The following ZNF382 variants were observed in gnomAD, a reference collection of about 807,000 sequenced individuals.
The protein encoded by ZNF382 is zinc finger protein 382.
Under a neutral mutation model 38.8 loss-of-function variants are expected in ZNF382, and 20 were observed. The observed-to-expected ratio is 0.51, with a 90% CI of 0.36 to 0.75. ZNF382 has a LOEUF of 0.75. Ranked by LOEUF, ZNF382 falls within the 30% of genes least tolerant of loss-of-function variation. The pLI is 0.00. For synonymous variants in ZNF382, 202 were observed against 223.1 expected, an observed-to-expected ratio of 0.91 and a Z score of 0.84; for missense variants, 546 against 654.1, an observed-to-expected ratio of 0.83 and a Z score of 1.80.
At chr19:36,610,911 T>C (rs1363862509) in intron 4 of ZNF382, among the ~76,000 whole-genome samples, 169 bp downstream of exon 4, 1 of 152,258 alleles carries the variant, frequency 6.6e-6, no homozygotes, top group Non-Finnish European at 1.5e-5. Flanking sequence ...ATTCGCACTG[T>C]TGTGCAACCA....
intron 3 of ZNF382, 35 bp from the exon 4 acceptor site, chr19:36,610,615 C>T (rs1555792801): frequency 6.4e-7 from 1 of 1,564,600 alleles, no homozygotes; most frequent in South Asian, 1.2e-5. Flanking sequence ...AAAGTCGAAA[C>T]AGCTTAGACC....
chr19:36,625,574 G>C (rs1296002081), intron 4 of ZNF382, among the ~76,000 whole-genome samples: 1 of 148,724 alleles, frequency 6.7e-6, no homozygotes, highest in Non-Finnish European at 1.5e-5. Flanking sequence ...TGGGTGGGGC[G>C]GGGGGACAGA....
chr19:36,621,768 G>T (rs958391248), intron 4 of ZNF382, among the ~76,000 whole-genome samples: 1 of 152,146 alleles, frequency 6.6e-6, no homozygotes, highest in Non-Finnish European at 1.5e-5. Context: ...TGAGGGACTT[G>T]AGCATCTTTG....
At chr19:36,617,100 A>G (rs759269122) in intron 4 of ZNF382, among the ~76,000 whole-genome samples, 21 of 152,174 alleles carry the variant, frequency 1.4e-4, no homozygotes, top group Non-Finnish European at 2.5e-4. Context: ...TTGGCAGAGC[A>G]TATACCAACA....
At position 36,627,642 on chromosome 19, in the gene ZNF382, A is replaced by T; in HGVS notation, c.*92A>T. 1 of 854,706 alleles carries T rather than the reference A, an allele frequency of 1.2e-6. No homozygotes were observed. Among genetic ancestry groups the T allele is most frequent in the African/African-American group, 1.7e-5 (1 of 58,746 alleles). 52.9% of individuals were successfully genotyped at this position (854,706 alleles called of 1,614,324 possible). ...AGCGTAATATCCAACAGTTTAAGGT[A>T]CTATACCACATGGTAACCTACTGTT... On this transcript the variant is annotated 3_prime_UTR_variant, in exon 5 of 5. Coordinates refer to ENST00000292928, the MANE Select transcript of ZNF382 (RefSeq NM_032825.5).
rs2037197989 is a variant in ZNF382 at position 36,624,960 on chromosome 19, T to C, written c.233-1170T>C. On this transcript the variant is annotated intron_variant, in intron 4 of 4. Transcript: ENST00000292928. ...GCACACATCTGTAGCCCCAGATACT[T>C]GGGAGGCTGAGGTGGGAGGATTGCT... Among the ~76,000 whole-genome samples, 3 of 150,636 alleles carry C rather than the reference T, an allele frequency of 2.0e-5. No individual in the cohort carries two copies. The South Asian group carries it at 6.3e-4, about 32-fold the overall frequency.
intron 1 of ZNF382, among the ~76,000 whole-genome samples, chr19:36,607,302 C>T (rs185926602): frequency 1.3e-5 from 2 of 152,114 alleles, no homozygotes; most frequent in East Asian, 3.9e-4. Context: ...CACAGTGTTC[C>T]CTCTCTTCAA....
intron 4 of ZNF382, among the ~76,000 whole-genome samples, chr19:36,619,865 G>T (rs2967425): frequency 1.3e-5 from 2 of 151,762 alleles, no homozygotes; most frequent in African/African-American, 4.8e-5. Flanking sequence ...TGAGTAGCTG[G>T]GACTGCAGGC....
At chr19:36,610,437 A>AAGAGTG in intron 3 of ZNF382, 1 of 417,836 alleles carries the variant, frequency 2.4e-6, no homozygotes, top group Non-Finnish European at 4.3e-6. Flanking sequence ...GCCTGAGTGA[A>AAGAGTG]AGAGTGAGAC....
rs1199133378 is a variant in ZNF382 at position 36,627,980 on chromosome 19, T to C, written c.*430T>C. ...TTGCAAATACAAAATAAAAATTAGT[T>C]GTTACCTCCTCACAGTTGACCATGA... On this transcript the variant is annotated 3_prime_UTR_variant, in exon 5 of 5. Coordinates refer to ENST00000292928, the MANE Select transcript of ZNF382 (RefSeq NM_032825.5). The C allele has an allele frequency of 1.3e-5, 2 of 159,216 alleles. No homozygotes were observed. The highest frequency in any genetic ancestry group is 4.8e-5 in the African/African-American group (2 of 41,484). 9.9% of individuals were successfully genotyped at this position (159,216 alleles called of 1,614,324 possible).
chr19:36,606,800 T>C (rs1239803394), intron 1 of ZNF382, among the ~76,000 whole-genome samples: 1 of 152,080 alleles, frequency 6.6e-6, no homozygotes, highest in Non-Finnish European at 1.5e-5. Flanking sequence ...TTTGCGGGCC[T>C]GGTGCAGTGA....
At chr19:36,606,867 C>T (rs2037033863) in intron 1 of ZNF382, among the ~76,000 whole-genome samples, 2 of 151,860 alleles carry the variant, frequency 1.3e-5, no homozygotes, top group East Asian at 1.9e-4. Context: ...CACCTGAGAT[C>T]GAGAATTCGA....
At chr19:36,611,422 CCTTTTTCTGACTGG>C (rs923024973) in intron 4 of ZNF382, among the ~76,000 whole-genome samples, 25 of 152,176 alleles carry the variant, frequency 1.6e-4, no homozygotes, top group African/African-American at 5.8e-4. Context: ...TAGTATTTAT[CCTTTTTCTGACTGG>C]CTTATTTTAC....
At chr19:36,609,795 G>T (rs2037062660) in intron 2 of ZNF382, 107 bp from the exon 3 acceptor site, 1 of 993,020 alleles carries the variant, frequency 1.0e-6, no homozygotes, top group Non-Finnish European at 1.4e-6. Flanking sequence ...TTTTCAGAGA[G>T]AATTTTATGC....
At chr19:36,607,249 T>C (rs2037041204) in intron 1 of ZNF382, among the ~76,000 whole-genome samples, 1 of 152,112 alleles carries the variant, frequency 6.6e-6, no homozygotes, top group East Asian at 1.9e-4. Flanking sequence ...ACAGTAAACC[T>C]GTGGTTAGAG....
intron 4 of ZNF382, among the ~76,000 whole-genome samples, chr19:36,621,324 G>GTTTTTTTTTTTTTTTTTTTTTTT (rs10557413): frequency 1.9e-5 from 2 of 104,470 alleles, no homozygotes; most frequent in African/African-American, 3.8e-5. Context: ...TTTTTCCCTA[G>GTTTTTTTTTTTTTTTTTTTTTTT]TTTTTTTTTT....
chr19:36,623,185 C>T (rs1320508125), intron 4 of ZNF382, among the ~76,000 whole-genome samples: 1 of 152,136 alleles, frequency 6.6e-6, no homozygotes, highest in East Asian at 1.9e-4. Context: ...AAATGTCTTT[C>T]TCATCCATTT....
rs141065787 is a variant in ZNF382, at chr19:36,620,291, A to G, written c.233-5839A>G. Among the ~76,000 whole-genome samples, 3 of 152,332 alleles carry G rather than the reference A, an allele frequency of 2.0e-5. No homozygotes were observed. In the East Asian group the frequency reaches 5.8e-4, roughly 29 times the overall value. ...GTTTCATATCATAATGCTGAGCATC[A>G]TTCTTGATATCTGCCAGGGATAGTT... On this transcript the variant is annotated intron_variant, in intron 4 of 4. Coordinates refer to ENST00000292928, the MANE Select transcript of ZNF382 (RefSeq NM_032825.5).
intron 4 of ZNF382, among the ~76,000 whole-genome samples, chr19:36,614,145 G>A (rs1051334866): frequency 2.0e-5 from 3 of 152,030 alleles, no homozygotes; most frequent in East Asian, 1.9e-4. Flanking sequence ...TTCAAGACCA[G>A]CCTGGCCAAC....
Sources: allele counts gnomAD v4.1 joint callset (sites outside exome capture counted in the v4.1 genomes callset), GRCh38; gene constraint gnomAD v4.1.1; transcripts MANE v1.5; gene names NCBI Gene and HGNC (gene_info 2026-07-23, HGNC 2026-07-21).